Variants in OSBP2 observed in about 807,000 individuals in gnomAD.
OSBP2 encodes the protein oxysterol binding protein 2.
Under a neutral mutation model 96.0 loss-of-function variants are expected in OSBP2, and 66 were observed. That is an observed-to-expected ratio of 0.69 (90% CI 0.56 to 0.84). The LOEUF (loss-of-function observed/expected upper bound fraction) is 0.84. Among genes scored for constraint, OSBP2 ranks in the 40% least tolerant of loss-of-function variants. The pLI is 0.00. For missense variants in OSBP2, 1,038 were observed against 1,222.7 expected, an observed-to-expected ratio of 0.85 and a Z score of 2.25; for synonymous variants, 525 against 520.9, an observed-to-expected ratio of 1.01 and a Z score of -0.11.
At chr22:30,807,564 G>A (rs1256806843) in intron 2 of OSBP2, among the ~76,000 whole-genome samples, 5 of 152,154 alleles carry the variant, frequency 3.3e-5, no homozygotes, top group African/African-American at 9.7e-5. Flanking sequence ...AGGGCTTTCT[G>A]CAGACTGGCC....
intron 12 of OSBP2, among the ~76,000 whole-genome samples, chr22:30,898,622 A>C (rs1181918283): frequency 6.6e-6 from 1 of 152,050 alleles, no homozygotes; most frequent in East Asian, 1.9e-4. Context: ...AAACCATCAG[A>C]TCTAGTGAGA....
intron 1 of OSBP2, among the ~76,000 whole-genome samples, chr22:30,710,756 A>C (rs1179969335): frequency 6.6e-6 from 1 of 152,078 alleles, no homozygotes; most frequent in Non-Finnish European, 1.5e-5. Context: ...GATTACAGGC[A>C]TGTGCCACCA....
At chr22:30,734,105 G>T (rs1490562781) in intron 1 of OSBP2, among the ~76,000 whole-genome samples, 3 of 152,078 alleles carry the variant, frequency 2.0e-5, no homozygotes, top group East Asian at 3.9e-4. Context: ...CTCCTGAGTA[G>T]CTGGGATTAC....
At chr22:30,704,900 G>A (rs1236614132) in intron 1 of OSBP2, among the ~76,000 whole-genome samples, 1 of 152,152 alleles carries the variant, frequency 6.6e-6, no homozygotes, top group Non-Finnish European at 1.5e-5. Flanking sequence ...GTCAAAGGAC[G>A]GGCAGTCTCA....
chr22:30,827,679 G>T (rs2038432182), intron 2 of OSBP2, among the ~76,000 whole-genome samples: 1 of 152,162 alleles, frequency 6.6e-6, no homozygotes, highest in Non-Finnish European at 1.5e-5. Context: ...GCAACCATGG[G>T]CCCGTGGGCA....
At chr22:30,886,974 T>C (rs1416637082) in intron 3 of OSBP2, among the ~76,000 whole-genome samples, 1 of 152,072 alleles carries the variant, frequency 6.6e-6, no homozygotes, top group Admixed American at 6.5e-5. Context: ...GGCTACTCCA[T>C]AGATAGAGCA....
At chr22:30,775,001 A>G (rs995465583) in intron 2 of OSBP2, among the ~76,000 whole-genome samples, 1 of 152,156 alleles carries the variant, frequency 6.6e-6, no homozygotes, top group African/African-American at 2.4e-5. Context: ...ATTATGGCCA[A>G]TCTTATTTCA....
chr22:30,800,053 G>C (rs1358468450), intron 2 of OSBP2, among the ~76,000 whole-genome samples: 2 of 152,162 alleles, frequency 1.3e-5, no homozygotes, highest in Non-Finnish European at 2.9e-5. Context: ...GGCTGGGTTG[G>C]GGGTGAGAAT....
At chr22:30,720,823 G>A (rs1269588161) in intron 1 of OSBP2, among the ~76,000 whole-genome samples, 1 of 152,202 alleles carries the variant, frequency 6.6e-6, no homozygotes, top group African/African-American at 2.4e-5. Flanking sequence ...CTTTGCCAGA[G>A]GATGAGGAAG....
At chr22:30,817,687 T>A (rs1466271295) in intron 2 of OSBP2, among the ~76,000 whole-genome samples, 1 of 152,204 alleles carries the variant, frequency 6.6e-6, no homozygotes, top group Non-Finnish European at 1.5e-5. Context: ...GCAATTTGAT[T>A]GATTTATTCA....
intron 2 of OSBP2, among the ~76,000 whole-genome samples, chr22:30,859,642 G>A (rs1046845083): frequency 6.6e-6 from 1 of 152,230 alleles, no homozygotes; most frequent in African/African-American, 2.4e-5. Context: ...CCAAAGAGCT[G>A]GTGCCATGGG....
intron 2 of OSBP2, among the ~76,000 whole-genome samples, chr22:30,781,546 A>T (rs955667702): frequency 1.3e-5 from 2 of 152,148 alleles, no homozygotes; most frequent in African/African-American, 4.8e-5. Flanking sequence ...GCGATCACAA[A>T]TGGAATCCTA....
At chr22:30,902,126 G>GAAAAAAAAAAAAAAAAAAAA (rs35391426) in intron 12 of OSBP2, 6 of 126,104 alleles carry the variant, frequency 4.8e-5, no homozygotes, top group African/African-American at 1.4e-4. Context: ...AAAAAAAAAC[G>GAAAAAAAAAAAAAAAAAAAA]AAAAAAAAAA....
intron 3 of OSBP2, among the ~76,000 whole-genome samples, chr22:30,874,087 A>C (rs901622988): frequency 9.9e-5 from 15 of 152,158 alleles, no homozygotes; most frequent in Non-Finnish European, 1.6e-4. Flanking sequence ...AAATACAAAA[A>C]TTAGCTGGGC....
chr22:30,793,720 C>T (rs980808856), intron 2 of OSBP2, among the ~76,000 whole-genome samples: 5 of 152,096 alleles, frequency 3.3e-5, no homozygotes, highest in South Asian at 2.1e-4. Context: ...ATTAGACCCA[C>T]GTGGTGGTGC....
chr22:30,704,300 G>GA, intron 1 of OSBP2, among the ~76,000 whole-genome samples: 1 of 152,196 alleles, frequency 6.6e-6, no homozygotes, highest in East Asian at 1.9e-4. Context: ...GAAGTCTGGG[G>GA]AAAAACAGCT....
intron 2 of OSBP2, among the ~76,000 whole-genome samples, chr22:30,780,006 T>C (rs956428953): frequency 1.2e-4 from 19 of 152,252 alleles, no homozygotes; most frequent in African/African-American, 4.6e-4. Flanking sequence ...TAGATGTGTA[T>C]TTCATGTGTG....
At chr22:30,851,515 G>A (rs2038978050) in intron 2 of OSBP2, among the ~76,000 whole-genome samples, 1 of 152,094 alleles carries the variant, frequency 6.6e-6, no homozygotes, top group South Asian at 2.1e-4. Context: ...CTAACACAAT[G>A]TGATCATGTT....
chr22:30,787,936 C>T (rs988740272), intron 2 of OSBP2, among the ~76,000 whole-genome samples: 4 of 152,044 alleles, frequency 2.6e-5, no homozygotes, highest in African/African-American at 2.4e-5. Flanking sequence ...ACGGTAGTGT[C>T]GGAGGGTCTT....
Sources: gnomAD v4.1 joint callset for allele counts (sites outside exome capture counted in the v4.1 genomes callset) on GRCh38, gnomAD v4.1.1 for gene constraint, MANE v1.5 for transcripts, NCBI Gene and HGNC (gene_info 2026-07-23, HGNC 2026-07-21) for gene names.